DHRSX: variants seen among roughly 807,000 people sequenced by gnomAD.
The protein encoded by DHRSX is dehydrogenase/reductase X-linked.
DHRSX carries 31 observed loss-of-function variants against 34.0 expected under a neutral mutation model. The ratio of observed to expected loss-of-function variants is 0.91; its 90% CI spans 0.69 to 1.23. The LOEUF (loss-of-function observed/expected upper bound fraction) is 1.23. DHRSX is among the 50% of genes most tolerant of loss of function. The probability of loss-of-function intolerance (pLI) is 0.00; values close to 1 mark genes in which losing one functional copy is unlikely to be tolerated. For missense variants in DHRSX, 414 were observed against 428.1 expected (o/e 0.97, Z 0.29); for synonymous variants, 201 against 183.8 (o/e 1.09, Z -0.76).
chrX:2,223,466 G>A (rs1357329362), intron 6 of DHRSX, among the ~76,000 whole-genome samples: 3 of 152,136 alleles, frequency 2.0e-5, no homozygotes, highest in African/African-American at 4.8e-5. Flanking sequence ...CTAATAGAGA[G>A]ACTGTATCTG....
intron 3 of DHRSX, among the ~76,000 whole-genome samples, chrX:2,329,369 G>A (rs1466112195): frequency 4.6e-5 from 7 of 152,232 alleles, no homozygotes; most frequent in South Asian, 2.1e-4. Flanking sequence ...TGGATTGTGC[G>A]GTTCAAACGC....
intron 3 of DHRSX, among the ~76,000 whole-genome samples, chrX:2,307,243 T>C (rs1402594250): frequency 2.0e-5 from 3 of 152,118 alleles, no homozygotes; most frequent in Non-Finnish European, 4.4e-5. Context: ...TTCTCAATTA[T>C]ACATAGGAGC....
intron 3 of DHRSX, among the ~76,000 whole-genome samples, chrX:2,303,778 T>G (rs2042045736): frequency 2.2e-5 from 1 of 45,936 alleles, no homozygotes; most frequent in Non-Finnish European, 4.3e-5. Flanking sequence ...GATAAATGGA[T>G]GGATGGATGG....
chrX:2,448,636 T>G (rs1269437811), intron 1 of DHRSX, among the ~76,000 whole-genome samples: 1 of 152,210 alleles, frequency 6.6e-6, no homozygotes, highest in African/African-American at 2.4e-5. Flanking sequence ...CTAGCTTGAT[T>G]TAATCACCGC....
At chrX:2,407,388 T>C (rs767901365) in intron 3 of DHRSX, among the ~76,000 whole-genome samples, 1 of 152,272 alleles carries the variant, frequency 6.6e-6, no homozygotes, top group South Asian at 2.1e-4. Context: ...TAGTATACAT[T>C]TAATGACAAA....
chrX:2,497,982 C>T (rs746710248), intron 1 of DHRSX, among the ~76,000 whole-genome samples: 1 of 152,304 alleles, frequency 6.6e-6, no homozygotes, highest in Admixed American at 6.5e-5. Flanking sequence ...GTCTTAAGAA[C>T]ACAGAGACAG....
intron 1 of DHRSX, among the ~76,000 whole-genome samples, chrX:2,482,579 T>A (rs28759003): frequency 0.32 from 48,613 of 152,108 alleles, 8,632 homozygotes; most frequent in African/African-American, 0.47. Flanking sequence ...ACCATTTTTG[T>A]ATCATGAAAC....
rs374921064 is a variant in DHRSX, at chrX:2,274,650, C to T, written c.389-7703G>A. ...TTTGTCATGTTGACCAGTCTGGTCT[C>T]GAACTCCTGACCCCAAGTGATCTGC... On this transcript the variant is annotated intron_variant, in intron 4 of 6. Transcript: ENST00000334651. Among the ~76,000 whole-genome samples, 402 of 143,538 alleles carry T rather than the reference C, an allele frequency of 2.8e-3. 4 individuals carry two copies. Among genetic ancestry groups the T allele is most frequent in the African/African-American group, 9.6e-3 (372 of 38,738 alleles). 94.2% of individuals were successfully genotyped at this position (143,538 alleles called of 152,430 possible).
At chrX:2,239,557 C>A (rs1312102623) in intron 6 of DHRSX, among the ~76,000 whole-genome samples, 1 of 151,500 alleles carries the variant, frequency 6.6e-6, no homozygotes, top group Non-Finnish European at 1.5e-5. Context: ...GAGATCAAGA[C>A]CATCCTGGCC....
chrX:2,473,084 C>T lies in DHRSX; in HGVS notation c.109+27733G>A, dbSNP rs181688148. Among the ~76,000 whole-genome samples the T allele has an allele frequency of 2.4e-3, 369 of 152,242 alleles. 5 individuals carry two copies. The highest frequency in any genetic ancestry group is 7.6e-3 in the African/African-American group (315 of 41,516). On this transcript the variant is annotated intron_variant, in intron 1 of 6. Coordinates refer to ENST00000334651, the MANE Select transcript of DHRSX (RefSeq NM_145177.3). ...TAGCTCTAGCCAGTTTGTTCACAGCCGTGATTAAGGTGCCCACAGCATCCT... is the reference window on the plus strand; with the variant it reads ...TAGCTCTAGCCAGTTTGTTCACAGCTGTGATTAAGGTGCCCACAGCATCCT...
intron 3 of DHRSX, among the ~76,000 whole-genome samples, chrX:2,314,709 C>T (rs1476768345): frequency 6.6e-6 from 1 of 151,886 alleles, no homozygotes; most frequent in African/African-American, 2.4e-5. Context: ...CTAATGAGAA[C>T]TCATGGTTTG....
intron 6 of DHRSX, among the ~76,000 whole-genome samples, chrX:2,234,689 G>A (rs770819907): frequency 6.6e-6 from 1 of 152,256 alleles, no homozygotes; most frequent in South Asian, 2.1e-4. Context: ...AACACTGCAC[G>A]TTTCCACTTT....
intron 3 of DHRSX, among the ~76,000 whole-genome samples, chrX:2,304,239 G>A (rs1252221724): frequency 1.8e-5 from 2 of 112,642 alleles, no homozygotes; most frequent in African/African-American, 6.8e-5. Context: ...ATGGATGGAT[G>A]GATAAATGGA....
chrX:2,315,054 A>T (rs1020899705), intron 3 of DHRSX, among the ~76,000 whole-genome samples: 1 of 152,092 alleles, frequency 6.6e-6, no homozygotes, highest in African/African-American at 2.4e-5. Flanking sequence ...GCCACTCAGC[A>T]GGCTGAGGCA....
chrX:2,406,160 C>T (rs1240752736), intron 3 of DHRSX, among the ~76,000 whole-genome samples: 1 of 151,630 alleles, frequency 6.6e-6, no homozygotes, highest in Non-Finnish European at 1.5e-5. Context: ...GGCATGGTCG[C>T]CAATGCCTGT....
At chrX:2,450,244 T>A (rs1224927673) in intron 1 of DHRSX, among the ~76,000 whole-genome samples, 1 of 152,196 alleles carries the variant, frequency 6.6e-6, no homozygotes, top group African/African-American at 2.4e-5. Flanking sequence ...ACAGTGTTTA[T>A]GTTTATAAAT....
intron 5 of DHRSX, among the ~76,000 whole-genome samples, chrX:2,249,191 CT>C (rs541852639): frequency 0.032 from 3,853 of 118,800 alleles, 60 homozygotes; most frequent in South Asian, 0.071. Context: ...AATCATAAAT[CT>C]TTTTTTTTTT....
At chrX:2,306,499 T>C (rs2042098413) in intron 3 of DHRSX, among the ~76,000 whole-genome samples, 1 of 151,292 alleles carries the variant, frequency 6.6e-6, no homozygotes, top group African/African-American at 2.4e-5. Flanking sequence ...TCTTGCTCTG[T>C]TGCCCAGGCT....
chrX:2,249,191 C>T (rs868825622), intron 5 of DHRSX, among the ~76,000 whole-genome samples: 10 of 118,876 alleles, frequency 8.4e-5, no homozygotes, highest in Non-Finnish European at 1.3e-4. Flanking sequence ...AATCATAAAT[C>T]TTTTTTTTTT....
Sources: allele counts gnomAD v4.1 joint callset (sites outside exome capture counted in the v4.1 genomes callset), GRCh38; gene constraint gnomAD v4.1.1; transcripts MANE v1.5; gene names NCBI Gene and HGNC (gene_info 2026-07-23, HGNC 2026-07-21).